RPGRIP1: variants seen among roughly 807,000 people sequenced by gnomAD.
RPGRIP1 encodes the protein X-linked retinitis pigmentosa GTPase regulator-interacting protein 1.
In RPGRIP1, 128 loss-of-function variants were observed where a neutral mutation model predicts 157.9. That is an observed-to-expected ratio of 0.81 (90% CI 0.70 to 0.94). The LOEUF is 0.94. Ranked by LOEUF, RPGRIP1 falls within the 40% of genes least tolerant of loss-of-function variation. The pLI is 0.00. For synonymous variants in RPGRIP1, 554 were observed against 571.6 expected (o/e 0.97, Z 0.44); for missense variants, 1,486 against 1,545.8 (o/e 0.96, Z 0.65).
At chr14:21,318,500 G>C (rs1200467350) in intron 11 of RPGRIP1, among the ~76,000 whole-genome samples, 5 of 152,034 alleles carry the variant, frequency 3.3e-5, no homozygotes, top group African/African-American at 1.2e-4. Flanking sequence ...GTTTCTGAGA[G>C]AGTCTCACTC....
chr14:21,295,179 A>T (rs1054601338), intron 3 of RPGRIP1, among the ~76,000 whole-genome samples: 1 of 151,728 alleles, frequency 6.6e-6, no homozygotes, highest in African/African-American at 2.4e-5. Flanking sequence ...TCTTTAGTCA[A>T]TTTTTTTGCC....
At chr14:21,314,867 C>G (rs1223947197) in intron 10 of RPGRIP1, among the ~76,000 whole-genome samples, 1 of 151,578 alleles carries the variant, frequency 6.6e-6, no homozygotes, top group Non-Finnish European at 1.5e-5. Flanking sequence ...ACTAAAAATA[C>G]AAAAAATTAG....
chr14:21,345,436 C>G (rs1885465954), intron 23 of RPGRIP1, among the ~76,000 whole-genome samples: 1 of 152,014 alleles, frequency 6.6e-6, no homozygotes, highest in Non-Finnish European at 1.5e-5. Context: ...GGGTCTCACT[C>G]TGTCGTCCAG....
intron 3 of RPGRIP1, among the ~76,000 whole-genome samples, chr14:21,299,068 TG>T (rs1051316215): frequency 1.3e-5 from 2 of 148,266 alleles, no homozygotes; most frequent in African/African-American, 5.0e-5. Context: ...CAGGCTGGAG[TG>T]CAATGGCGTG....
chr14:21,350,249 G>A (rs1886074828), intron 24 of RPGRIP1, among the ~76,000 whole-genome samples: 1 of 151,840 alleles, frequency 6.6e-6, no homozygotes, highest in South Asian at 2.1e-4. Context: ...CATGGCGGCG[G>A]ACACCTGTAA....
chr14:21,296,801 A>G (rs1880801641), intron 3 of RPGRIP1, among the ~76,000 whole-genome samples: 1 of 151,848 alleles, frequency 6.6e-6, no homozygotes, highest in Non-Finnish European at 1.5e-5. Flanking sequence ...CTAAAAATAC[A>G]AAAATTAGCT....
At chr14:21,306,856 A>C (rs141515608) in intron 6 of RPGRIP1, among the ~76,000 whole-genome samples, 4 of 148,684 alleles carry the variant, frequency 2.7e-5, no homozygotes, top group East Asian at 2.0e-4. Context: ...GCTCACTGCA[A>C]CCTCCCCCTC....
At chr14:21,296,102 ATT>A (rs557240876) in intron 3 of RPGRIP1, among the ~76,000 whole-genome samples, 19 of 136,268 alleles carry the variant, frequency 1.4e-4, no homozygotes, top group East Asian at 2.1e-4. Context: ...TGGCCAGCTA[ATT>A]TTTTTTTTTT....
chr14:21,326,807 T>G (rs959683345), intron 17 of RPGRIP1, among the ~76,000 whole-genome samples: 2 of 152,208 alleles, frequency 1.3e-5, no homozygotes, highest in African/African-American at 4.8e-5. Context: ...TCTCACTTCT[T>G]TTAAACACTG....
In RPGRIP1 at chr14:21,324,746, C is replaced by G. The variant is rs572367084; in HGVS notation, c.1891C>G (p.His631Asp). The G allele has an allele frequency of 6.2e-7, 1 of 1,614,024 alleles. No homozygotes were observed. The highest frequency in any genetic ancestry group is 2.2e-5 in the East Asian group (1 of 44,882). The change falls in exon 15 of 25, where the codon CAC becomes GAC. Residue 631 changes from histidine (H) to aspartate (D), a missense_variant. Coordinates refer to ENST00000400017, the MANE Select transcript of RPGRIP1 (RefSeq NM_020366.4). ...TCAGGGTGAGAATCTTTTTGAACTGCACATCCACCAGGCCTTCCTGACATC... is the reference window on the plus strand; with the variant it reads ...TCAGGGTGAGAATCTTTTTGAACTGGACATCCACCAGGCCTTCCTGACATC... ...LHQGENLFEL[H>D]IHQAFLTSAA...
intron 2 of RPGRIP1, 56 bp from the exon 3 acceptor site, chr14:21,294,621 G>A (rs890848748): frequency 6.4e-7 from 1 of 1,566,458 alleles, no homozygotes; most frequent in African/African-American, 1.4e-5. Context: ...GACATCTAAA[G>A]GGTTCAAAAA....
At chr14:21,280,743 ACTT>A (rs999654945) in intron 1 of RPGRIP1, among the ~76,000 whole-genome samples, 28 of 151,246 alleles carry the variant, frequency 1.9e-4, no homozygotes, top group African/African-American at 6.3e-4. Context: ...CTAGTTCAAG[ACTT>A]CTTGCCTGAA....
chr14:21,351,104 T>C lies in RPGRIP1; in HGVS notation c.3749T>C (p.Ile1250Thr), dbSNP rs762134535. The change falls in exon 25 of 25, where the codon ATT becomes ACT. Residue 1250 changes from isoleucine to threonine, a missense_variant and splice_region_variant. Ile to Thr is a moderately conservative substitution (Grantham distance 89). Coordinates refer to ENST00000400017, the MANE Select transcript of RPGRIP1 (RefSeq NM_020366.4). ...GRDILEQELD[I>T]VSPEDLATPI... ...GCTGTTTTTTTCCCTTTCCCAACAG[T>C]TGTTAGCCCTGAAGATCTGGCTACC... The C allele has an allele frequency of 2.5e-6, 4 of 1,595,158 alleles. No individual in the cohort carries two copies. Among genetic ancestry groups the C allele is most frequent in the Non-Finnish European group, 3.4e-6 (4 of 1,166,594 alleles).
chr14:21,312,020 G>A (rs1399576765), intron 9 of RPGRIP1, 50 bp downstream of exon 9: 1 of 1,511,770 alleles, frequency 6.6e-7, no homozygotes, highest in East Asian at 2.3e-5. Flanking sequence ...CTTCAGGGAT[G>A]TTAGAATGTG....
At chr14:21,281,705 AATAATAAT>A (rs1880135645) in intron 1 of RPGRIP1, among the ~76,000 whole-genome samples, 2 of 23,358 alleles carry the variant, frequency 8.6e-5, no homozygotes, top group African/African-American at 2.4e-4. Flanking sequence ...AAAAAAAATA[AATAATAAT>A]AATAATAATA....
At chr14:21,318,181 A>ACTGCAACCTTCACCTCC (rs1383900139) in intron 11 of RPGRIP1, 5 of 488,162 alleles carry the variant, frequency 1.0e-5, no homozygotes, top group Non-Finnish European at 1.6e-5. Context: ...ATTTCAGCTC[A>ACTGCAACCTTCACCTCC]CTGCAACCTT....
At chr14:21,336,776 A>G (rs1594247506) in intron 21 of RPGRIP1, among the ~76,000 whole-genome samples, 1 of 152,026 alleles carries the variant, frequency 6.6e-6, no homozygotes, top group Non-Finnish European at 1.5e-5. Context: ...AAACTGCGCA[A>G]CCTCTCAAGT....
At chr14:21,347,413 C>T (rs1390054529) in intron 23 of RPGRIP1, among the ~76,000 whole-genome samples, 1 of 152,210 alleles carries the variant, frequency 6.6e-6, no homozygotes, top group Non-Finnish European at 1.5e-5. Flanking sequence ...TCAGCATTAT[C>T]ACTTCGCATT....
chr14:21,280,527 T>C (rs925217518), intron 1 of RPGRIP1, among the ~76,000 whole-genome samples: 3 of 152,184 alleles, frequency 2.0e-5, no homozygotes. Context: ...ATTACTGGCA[T>C]GAGCCACCGC....
Sources: gnomAD v4.1 joint callset for allele counts (sites outside exome capture counted in the v4.1 genomes callset) on GRCh38, gnomAD v4.1.1 for gene constraint, MANE v1.5 for transcripts, NCBI Gene and HGNC (gene_info 2026-07-23, HGNC 2026-07-21) for gene names.